GPR158: variants seen among roughly 807,000 people sequenced by gnomAD.
The protein encoded by GPR158 is metabotropic glycine receptor.
GPR158 carries 30 observed loss-of-function variants against 78.2 expected under a neutral mutation model. That is an observed-to-expected ratio of 0.38 (90% confidence interval 0.29 to 0.52). The LOEUF is 0.52. GPR158 is among the 20% of genes least tolerant of loss of function. GPR158 has a pLI of 0.83. For missense variants in GPR158, 1,463 were observed against 1,523.5 expected, an observed-to-expected ratio of 0.96 and a Z score of 0.66; for synonymous variants, 581 against 591.1, an observed-to-expected ratio of 0.98 and a Z score of 0.25.
At chr10:25,563,110 A>G (rs910771814) in intron 6 of GPR158, among the ~76,000 whole-genome samples, 26 of 152,202 alleles carry the variant, frequency 1.7e-4, no homozygotes, top group African/African-American at 6.3e-4. Context: ...TTATTTACGT[A>G]AAATATCATT....
At chr10:25,300,509 T>G (rs1027665576) in intron 2 of GPR158, among the ~76,000 whole-genome samples, 1 of 152,068 alleles carries the variant, frequency 6.6e-6, no homozygotes, top group African/African-American at 2.4e-5. Flanking sequence ...CATTTACAGA[T>G]TCTGGGTATT....
At chr10:25,339,023 T>C (rs1298777854) in intron 2 of GPR158, among the ~76,000 whole-genome samples, 1 of 149,218 alleles carries the variant, frequency 6.7e-6, no homozygotes, top group East Asian at 2.0e-4. Context: ...TTTCTTTCTT[T>C]TTTTTTTTTT....
At chr10:25,224,752 C>G (rs1426611054) in intron 2 of GPR158, among the ~76,000 whole-genome samples, 62 of 152,180 alleles carry the variant, frequency 4.1e-4, no homozygotes, top group African/African-American at 1.2e-3. Context: ...ATGTTTGCTA[C>G]CAATTTTTGC....
chr10:25,451,670 T>G (rs78409565), intron 4 of GPR158, among the ~76,000 whole-genome samples: 4 of 151,892 alleles, frequency 2.6e-5, no homozygotes, highest in Non-Finnish European at 4.4e-5. Context: ...TGGCCATATA[T>G]TTTTTTTAAC....
chr10:25,489,717 A>G (rs1244752269), intron 5 of GPR158, among the ~76,000 whole-genome samples: 2 of 152,062 alleles, frequency 1.3e-5, no homozygotes, highest in African/African-American at 4.8e-5. Context: ...ATGTGTTCCC[A>G]CTGCAAATCT....
chr10:25,441,959 C>A (rs537941635), intron 4 of GPR158, among the ~76,000 whole-genome samples: 1 of 152,172 alleles, frequency 6.6e-6, no homozygotes, highest in Non-Finnish European at 1.5e-5. Context: ...AGTTTAAGGG[C>A]GTTTGAAACT....
chr10:25,460,505 G>T (rs1230874345), intron 4 of GPR158, among the ~76,000 whole-genome samples: 2 of 152,066 alleles, frequency 1.3e-5, no homozygotes, highest in Non-Finnish European at 1.5e-5. Context: ...TAAAATCATA[G>T]ATTTTCTAAT....
intron 2 of GPR158, among the ~76,000 whole-genome samples, chr10:25,331,650 T>A (rs2130492921): frequency 6.6e-6 from 1 of 152,304 alleles, no homozygotes; most frequent in African/African-American, 2.4e-5. Context: ...TGTAAATATC[T>A]GGTCACCGCT....
intron 5 of GPR158, among the ~76,000 whole-genome samples, chr10:25,527,075 T>C (rs1286310168): frequency 1.3e-5 from 2 of 150,624 alleles, no homozygotes; most frequent in East Asian, 1.9e-4. Flanking sequence ...TAAAACTCAA[T>C]TCATCAGGAA....
chr10:25,197,615 A>G lies in GPR158; in HGVS notation c.902+21293A>G, dbSNP rs1852860086. 2.0e-5 allele frequency among the ~76,000 whole-genome samples: 3 copies of G among 152,216 alleles called. No individual in the cohort carries two copies. The South Asian group carries it at 6.2e-4, about 31-fold the overall frequency. ...TGTTTAATTAAATCACTAGATCTCA[A>G]GGTATGAGACAGCCATTGTATATTT... is the stretch of plus-strand genomic sequence containing the variant. On this transcript the variant is annotated intron_variant, in intron 1 of 10. Transcript: ENST00000376351.
intron 1 of GPR158, among the ~76,000 whole-genome samples, chr10:25,211,571 AT>A (rs1853131106): frequency 6.6e-6 from 1 of 152,204 alleles, no homozygotes; most frequent in African/African-American, 2.4e-5. Flanking sequence ...CGGAGCCCTT[AT>A]GACCAGTCAC....
At chr10:25,548,862 C>A (rs1342048038) in intron 5 of GPR158, among the ~76,000 whole-genome samples, 1 of 152,136 alleles carries the variant, frequency 6.6e-6, no homozygotes, top group Non-Finnish European at 1.5e-5. Flanking sequence ...GTATTTCTGG[C>A]CAACCCAATC....
intron 3 of GPR158, 74 bp downstream of exon 3, chr10:25,396,087 A>G (rs2130529061): frequency 1.5e-6 from 1 of 675,652 alleles, no homozygotes. Context: ...ATTTTCTTTT[A>G]TCCTTGTTGG....
At chr10:25,292,864 G>A (rs1408405118) in intron 2 of GPR158, among the ~76,000 whole-genome samples, 2 of 152,102 alleles carry the variant, frequency 1.3e-5, no homozygotes, top group Admixed American at 6.5e-5. Context: ...ACACTCATTT[G>A]TCTAAATCTA....
chr10:25,449,419 C>T (rs1289359460), intron 4 of GPR158, among the ~76,000 whole-genome samples: 1 of 152,204 alleles, frequency 6.6e-6, no homozygotes, highest in East Asian at 1.9e-4. Context: ...GAAGTTCTTT[C>T]TGCTAAGGAA....
At chr10:25,426,479 T>C (rs1834821983) in intron 4 of GPR158, among the ~76,000 whole-genome samples, 2 of 152,124 alleles carry the variant, frequency 1.3e-5, no homozygotes, top group South Asian at 4.1e-4. Flanking sequence ...CATGTGACTT[T>C]TCCTTTTTTT....
intron 5 of GPR158, among the ~76,000 whole-genome samples, chr10:25,520,668 C>T: frequency 6.6e-6 from 1 of 151,780 alleles, no homozygotes. Context: ...TGGGGGGTGC[C>T]TCCCAGTTAG....
intron 2 of GPR158, among the ~76,000 whole-genome samples, chr10:25,384,068 T>A (rs1834190141): frequency 1.3e-5 from 2 of 152,346 alleles, no homozygotes; most frequent in Non-Finnish European, 2.9e-5. Context: ...TAACTATTTA[T>A]TATCTTATTT....
At chr10:25,384,546 A>C (rs1427450573) in intron 2 of GPR158, among the ~76,000 whole-genome samples, 1 of 152,238 alleles carries the variant, frequency 6.6e-6, no homozygotes, top group Non-Finnish European at 1.5e-5. Flanking sequence ...CAAAACAAAA[A>C]TTTTAAAAAG....
Sources: gnomAD v4.1 joint callset for allele counts (sites outside exome capture counted in the v4.1 genomes callset) on GRCh38, gnomAD v4.1.1 for gene constraint, MANE v1.5 for transcripts, NCBI Gene and HGNC (gene_info 2026-07-23, HGNC 2026-07-21) for gene names.